The following MRC2 variants were observed in gnomAD, a reference collection of about 807,000 sequenced individuals.
The protein encoded by MRC2 is mannose receptor C-type 2.
MRC2 carries 84 observed loss-of-function variants against 206.2 expected under a neutral mutation model. The observed-to-expected ratio is 0.41, with a 90% CI of 0.34 to 0.49. The LOEUF (loss-of-function observed/expected upper bound fraction) is 0.49. Ranked by LOEUF, MRC2 falls within the 20% of genes least tolerant of loss-of-function variation. The pLI, the probability that MRC2 is intolerant of heterozygous loss-of-function variation, is 0.31. For missense variants in MRC2, 1,676 were observed against 2,001.5 expected (o/e 0.84, Z 3.10); for synonymous variants, 798 against 800.0 (o/e 1.00, Z 0.04).
Position 62,692,736 on chromosome 17 carries a change from G to A in MRC2, c.*285G>A, listed in dbSNP as rs934408083. ...CCCACAGGAACCAGAGGTAGGATGG[G>A]AGGGGGAACGAGAGCCTCTTTCTCC... On this transcript the variant is annotated 3_prime_UTR_variant, in exon 30 of 30. Coordinates refer to ENST00000303375, the MANE Select transcript of MRC2 (RefSeq NM_006039.5). This position sits in a 1 kb window ranked among gnomAD's most constrained non-coding sequence, Gnocchi z 4.2. 13 of 395,728 alleles carry A rather than the reference G, an allele frequency of 3.3e-5. No individual in the cohort carries two copies. The highest frequency in any genetic ancestry group is 4.7e-5 in the Non-Finnish European group (10 of 212,464). 24.5% of individuals were successfully genotyped at this position (395,728 alleles called of 1,614,324 possible).
chr17:62,675,242 G>T lies in MRC2; in HGVS notation c.1570-548G>T, dbSNP rs960045365. ...GGCACAGCCCCTGCCAGCAGATGAG[G>T]CCCCCACCACACATACCACATCTGC... On this transcript the variant is annotated intron_variant, in intron 9 of 29. Coordinates refer to ENST00000303375, the MANE Select transcript of MRC2 (RefSeq NM_006039.5). The surrounding 1 kb of genome is among the most constrained non-coding windows in gnomAD (Gnocchi z 4.1). 3.3e-5 allele frequency among the ~76,000 whole-genome samples: 5 copies of T among 152,082 alleles called. No individual in the cohort carries two copies. The highest frequency in any genetic ancestry group is 5.9e-5 in the Non-Finnish European group (4 of 68,004).
intron 1 of MRC2, among the ~76,000 whole-genome samples, chr17:62,629,855 C>A (rs1292962286): frequency 6.6e-6 from 1 of 152,162 alleles, no homozygotes; most frequent in Non-Finnish European, 1.5e-5. Flanking sequence ...CTGCTGGGGG[C>A]GAGGCTTATG....
chr17:62,652,176 C>A lies in MRC2; in HGVS notation c.119-12372C>A, dbSNP rs989204747. ...TACATTTTAAAAAAATGCTTTCCCC[C>A]AAATTCGTATGGATGTCTCCTAATA... On this transcript the variant is annotated intron_variant, in intron 1 of 29. Coordinates refer to ENST00000303375, the MANE Select transcript of MRC2 (RefSeq NM_006039.5). This position sits in a 1 kb window ranked among gnomAD's most constrained non-coding sequence, Gnocchi z 4.6. 2.6e-5 allele frequency among the ~76,000 whole-genome samples: 4 copies of A among 152,238 alleles called. No homozygotes were observed. Among genetic ancestry groups the A allele is most frequent in the South Asian group, 2.1e-4 (1 of 4,828 alleles).
rs770868374 is a variant in MRC2, at chr17:62,669,512, C to T, written c.1117+1979C>T. On this transcript the variant is annotated intron_variant, in intron 6 of 29. Transcript: ENST00000303375. ...ATTACAGGCGTGAGCCACCGCACCC[C>T]GCCTTTTTATTTTTATTTTTATTTA... Among the ~76,000 whole-genome samples, 10 of 149,938 alleles carry T rather than the reference C, an allele frequency of 6.7e-5. No individual in the cohort carries two copies. The Middle Eastern group carries it at 0.019, about 291-fold the overall frequency.
intron 1 of MRC2, among the ~76,000 whole-genome samples, chr17:62,640,139 G>A (rs1408340359): frequency 6.6e-6 from 1 of 150,378 alleles, no homozygotes; most frequent in Admixed American, 6.7e-5. Flanking sequence ...CCAAAGTGCT[G>A]GGATTACAGG....
rs2088721679 is a variant in MRC2 at position 62,664,495 on chromosome 17, G to A, written c.119-53G>A. The A allele has an allele frequency of 6.4e-7, 1 of 1,553,780 alleles. No homozygotes were observed. Among genetic ancestry groups the A allele is most frequent in the South Asian group, 1.2e-5 (1 of 80,910 alleles). ...GCCTGTCAGCCACACCGGTCATCAAGGGCCAACCAGGAGAGCCCCTGTGAT... is the reference window on the plus strand; with the variant it reads ...GCCTGTCAGCCACACCGGTCATCAAAGGCCAACCAGGAGAGCCCCTGTGAT... On this transcript the variant is annotated intron_variant, in intron 1 of 29. Transcript: ENST00000303375. The surrounding 1 kb of genome is among the most constrained non-coding windows in gnomAD (Gnocchi z 4.7).
At chr17:62,679,583 A>T (rs1323018635) in intron 13 of MRC2, 2 of 415,224 alleles carry the variant, frequency 4.8e-6, no homozygotes, top group African/African-American at 4.1e-5. Context: ...CCTTGAGTGG[A>T]TGGCTTGGTC....
chr17:62,653,165 C>A (rs572072750), intron 1 of MRC2, among the ~76,000 whole-genome samples: 1 of 152,144 alleles, frequency 6.6e-6, no homozygotes, highest in Non-Finnish European at 1.5e-5. Flanking sequence ...GTAGCGCGGC[C>A]GCTCTCCAGT....
chr17:62,670,746 G>C (rs1247693257), intron 6 of MRC2, among the ~76,000 whole-genome samples: 1 of 152,128 alleles, frequency 6.6e-6, no homozygotes, highest in Non-Finnish European at 1.5e-5. Context: ...CCCAGCTGGG[G>C]GATGGGGCCG....
rs2088825982 is a variant in MRC2, at chr17:62,671,575, G to C, written c.1118-74G>C. 6 of 1,425,654 alleles carry C rather than the reference G, an allele frequency of 4.2e-6. No homozygotes were observed. Among genetic ancestry groups the C allele is most frequent in the Non-Finnish European group, 5.6e-6 (6 of 1,063,024 alleles). The allele number at this position is 1,425,654 out of a possible 1,614,324, so 88.3% of individuals were successfully genotyped here. A position where few individuals can be genotyped will look rare whatever the true frequency, so the allele number is the denominator to read the frequency against. ...GTGACTGGGAGGCCTCGCCTGTGTT[G>C]ACGTCAACCCAGTGGGTTGGTTCCC... On this transcript the variant is annotated intron_variant, in intron 6 of 29. Coordinates refer to ENST00000303375, the MANE Select transcript of MRC2 (RefSeq NM_006039.5). The surrounding 1 kb of genome is among the most constrained non-coding windows in gnomAD (Gnocchi z 4.5).
intron 1 of MRC2, among the ~76,000 whole-genome samples, chr17:62,642,307 T>C (rs2088415971): frequency 6.6e-6 from 1 of 152,198 alleles, no homozygotes; most frequent in South Asian, 2.1e-4. Flanking sequence ...GTTCCTGGAT[T>C]CATATTAAAC....
chr17:62,648,728 A>G (rs1251455690), intron 1 of MRC2, among the ~76,000 whole-genome samples: 2 of 152,136 alleles, frequency 1.3e-5, no homozygotes, highest in African/African-American at 4.8e-5. Flanking sequence ...AGGACTTTGC[A>G]TCTGGACCGT....
intron 1 of MRC2, among the ~76,000 whole-genome samples, chr17:62,649,364 A>G (rs1032156644): frequency 1.2e-4 from 18 of 152,190 alleles, no homozygotes; most frequent in Non-Finnish European, 2.4e-4. Context: ...GCTGAGGCAG[A>G]TGGATCACTT....
At chr17:62,647,814 A>G (rs2088508441) in intron 1 of MRC2, among the ~76,000 whole-genome samples, 3 of 152,056 alleles carry the variant, frequency 2.0e-5, no homozygotes, top group African/African-American at 7.2e-5. Flanking sequence ...TGGGGCTGCT[A>G]CTCCCATGAG....
chr17:62,644,987 G>A (rs1360793086), intron 1 of MRC2, among the ~76,000 whole-genome samples: 4 of 152,094 alleles, frequency 2.6e-5, no homozygotes, highest in Admixed American at 2.0e-4. Flanking sequence ...GGGTTCAAAC[G>A]CTGTCATACA....
chr17:62,684,183 T>C (rs1028374572), intron 20 of MRC2, among the ~76,000 whole-genome samples: 2 of 152,258 alleles, frequency 1.3e-5, no homozygotes, highest in Non-Finnish European at 2.9e-5. Context: ...AAACATGCAT[T>C]TCATGGTGGC....
intron 1 of MRC2, among the ~76,000 whole-genome samples, chr17:62,629,955 C>T (rs1190340486): frequency 2.0e-5 from 3 of 152,218 alleles, no homozygotes; most frequent in Non-Finnish European, 2.9e-5. Context: ...GGCAGCGAGG[C>T]GGCAGTGCCT....
In MRC2 at chr17:62,674,068, C is replaced by T; in HGVS notation, c.1467C>T (p.Gly489=). 1.3e-6 allele frequency: 2 copies of T among 1,551,174 alleles called. No individual in the cohort carries two copies. Among genetic ancestry groups the T allele is most frequent in the Non-Finnish European group, 1.7e-6 (2 of 1,146,614 alleles). Reference sequence around the variant, plus strand: ...TCCTCACCCTGTGTCCGTAGGAAGGCCGCTGGAACGACAGTCCCTGTAACC... The same window carrying T: ...TCCTCACCCTGTGTCCGTAGGAAGGTCGCTGGAACGACAGTCCCTGTAACC... ...EDCVTIWGPE[G]RWNDSPCNQS... The change falls in exon 9 of 30, where the codon GGC becomes GGT. Residue 489 remains glycine (G), a synonymous_variant. Coordinates refer to ENST00000303375, the MANE Select transcript of MRC2 (RefSeq NM_006039.5).
intron 6 of MRC2, among the ~76,000 whole-genome samples, chr17:62,668,363 T>A (rs543358005): frequency 0.037 from 3,759 of 100,886 alleles, 161 homozygotes; most frequent in African/African-American, 0.12. Context: ...CCTCAAAAAA[T>A]AAATAAATAA....
Sources: allele counts gnomAD v4.1 joint callset (sites outside exome capture counted in the v4.1 genomes callset), GRCh38; gene constraint gnomAD v4.1.1; non-coding constraint Gnocchi (gnomAD v3.1); transcripts MANE v1.5; gene names NCBI Gene and HGNC (gene_info 2026-07-23, HGNC 2026-07-21).